Variants in LTBP2 observed in about 807,000 individuals in gnomAD.
LTBP2 encodes the protein latent-transforming growth factor beta-binding protein 2.
LTBP2 carries 103 observed loss-of-function variants against 210.6 expected under a neutral mutation model. The ratio of observed to expected loss-of-function variants is 0.49; its 90% CI spans 0.42 to 0.58. The LOEUF (loss-of-function observed/expected upper bound fraction) is 0.58. Among genes scored for constraint, LTBP2 ranks in the 20% least tolerant of loss-of-function variants. The pLI is 0.00. For synonymous variants in LTBP2, 1,007 were observed against 1,015.0 expected, an observed-to-expected ratio of 0.99 and a Z score of 0.15; for missense variants, 2,313 against 2,494.5, an observed-to-expected ratio of 0.93 and a Z score of 1.55.
intron 6 of LTBP2, 35 bp downstream of exon 6, chr14:74,552,152 C>A: frequency 6.4e-7 from 1 of 1,554,680 alleles, no homozygotes; most frequent in Middle Eastern, 2.1e-4. Flanking sequence ...GCACTCCTCC[C>A]AGGGTCCCGC....
chr14:74,518,276 G>A (rs529377348), intron 17 of LTBP2, among the ~76,000 whole-genome samples: 2 of 152,324 alleles, frequency 1.3e-5, no homozygotes, highest in African/African-American at 4.8e-5. Context: ...GGTAAGCACT[G>A]CAGAAATGTT....
At chr14:74,520,487 T>C (rs886780069) in intron 17 of LTBP2, among the ~76,000 whole-genome samples, 1 of 152,234 alleles carries the variant, frequency 6.6e-6, no homozygotes, top group Admixed American at 6.5e-5. Context: ...ATTGCCAGCA[T>C]ATATTAAGTG....
At chr14:74,603,422 C>T (rs1013204237) in intron 2 of LTBP2, among the ~76,000 whole-genome samples, 7 of 152,228 alleles carry the variant, frequency 4.6e-5, no homozygotes, top group Non-Finnish European at 7.4e-5. Flanking sequence ...CCACCGCTCC[C>T]GGCCCCAGCT....
In LTBP2 at chr14:74,549,888, C is replaced by G; in HGVS notation, c.1764G>C (p.Leu588Phe). 6.2e-7 allele frequency: 1 copy of G among 1,614,106 alleles called. No homozygotes were observed. Among genetic ancestry groups the G allele is most frequent in the African/African-American group, 1.3e-5 (1 of 75,034 alleles). Reference sequence around the variant, plus strand: ...CTGGTCTGGGTGGGCATGGGGCACACAAAGTCACCCCCCAGAAGGCTCCCA... The same window carrying G: ...CTGGTCTGGGTGGGCATGGGGCACAGAAAGTCACCCCCCAGAAGGCTCCCA... ...GSVGAFWGVT[L>F]CAPCPPRPAS... Residue 588 changes from leucine to phenylalanine, a missense_variant, in exon 8 of 36, where the codon TTG (leucine) becomes TTC (phenylalanine). Around this residue, in one of 3 missense-constraint regions of LTBP2, gnomAD observed 1,867 missense variants for 1,976.9 expected, o/e 0.94. Coordinates refer to ENST00000261978, the MANE Select transcript of LTBP2 (RefSeq NM_000428.3).
chr14:74,526,126 CAGG>C lies in LTBP2; in HGVS notation c.2389-15_2389-13del, dbSNP rs1566623883. ...ACACTGGTCGTGACCTGCACAGAAA[CAGG>C]AGAAGGTCACTTTTGGCTCCTCTGC... On this transcript the variant is annotated splice_polypyrimidine_tract_variant and intron_variant, in intron 13 of 35. Coordinates refer to ENST00000261978, the MANE Select transcript of LTBP2 (RefSeq NM_000428.3). The C allele has an allele frequency of 6.3e-7, 1 of 1,596,484 alleles. No homozygotes were observed. Among genetic ancestry groups the C allele is most frequent in the African/African-American group, 1.3e-5 (1 of 74,734 alleles).
intron 9 of LTBP2, among the ~76,000 whole-genome samples, chr14:74,533,678 C>T (rs538531323): frequency 1.0e-3 from 155 of 152,302 alleles, no homozygotes; most frequent in African/African-American, 3.5e-3. Context: ...GCAGGCTGCA[C>T]GCATCCCCCC....
chr14:74,585,777 A>G, intron 3 of LTBP2, 77 bp downstream of exon 3: 1 of 1,608,324 alleles, frequency 6.2e-7, no homozygotes, highest in Admixed American at 1.7e-5. Context: ...AGCCTTCACC[A>G]AACGGTCCAA....
At chr14:74,509,408 C>T in intron 21 of LTBP2, 45 bp from the exon 22 acceptor site, 2 of 1,611,884 alleles carry the variant, frequency 1.2e-6, no homozygotes, top group African/African-American at 1.3e-5. Flanking sequence ...AGGGCTCCCA[C>T]TCCCCAGGCA....
chr14:74,502,941 G>C lies in LTBP2; in HGVS notation c.4889-7C>G, dbSNP rs202000320. 2.4e-5 allele frequency: 38 copies of C among 1,610,406 alleles called. No homozygotes were observed. The highest frequency in any genetic ancestry group is 3.1e-5 in the Non-Finnish European group (37 of 1,179,910). ...CACAGCTGAGCATAGACCTCTGTCA[G>C]GGAGGAGGGAGAGAAGGAGCTGGGT... is the stretch of plus-strand genomic sequence containing the variant. On this transcript the variant is annotated splice_region_variant and splice_polypyrimidine_tract_variant and intron_variant, in intron 33 of 35. Coordinates refer to ENST00000261978, the MANE Select transcript of LTBP2 (RefSeq NM_000428.3).
chr14:74,551,615 G>A (rs2087657463), intron 6 of LTBP2, among the ~76,000 whole-genome samples: 1 of 151,978 alleles, frequency 6.6e-6, no homozygotes, highest in Non-Finnish European at 1.5e-5. Context: ...CATGACCCTG[G>A]CCAACCCTGG....
intron 33 of LTBP2, 138 bp from the exon 34 acceptor site, chr14:74,503,072 T>C: frequency 6.8e-7 from 1 of 1,471,612 alleles, no homozygotes; most frequent in South Asian, 1.2e-5. Context: ...ACCTCTCCCC[T>C]GCCCTACTTT....
chr14:74,510,396 C>T (rs182064494), intron 19 of LTBP2, among the ~76,000 whole-genome samples, 183 bp from the exon 20 acceptor site: 1 of 152,348 alleles, frequency 6.6e-6, no homozygotes, highest in Non-Finnish European at 1.5e-5. Flanking sequence ...GGCGTCCCAT[C>T]CCCCGGGCTC....
intron 6 of LTBP2, 126 bp from the exon 7 acceptor site, chr14:74,551,476 C>G: frequency 1.1e-6 from 1 of 928,032 alleles, no homozygotes; most frequent in Non-Finnish European, 1.6e-6. Flanking sequence ...CAAAACTCTC[C>G]TTCCATTTCT....
intron 15 of LTBP2, among the ~76,000 whole-genome samples, chr14:74,523,293 G>C (rs1182658532): frequency 1.3e-5 from 2 of 152,122 alleles, no homozygotes; most frequent in Non-Finnish European, 2.9e-5. Flanking sequence ...GTTTTCCCTG[G>C]ACAGACAGAC....
intron 3 of LTBP2, among the ~76,000 whole-genome samples, chr14:74,579,071 C>T (rs530724255): frequency 2.2e-4 from 33 of 152,216 alleles, no homozygotes; most frequent in Admixed American, 1.6e-3. Context: ...TGGCCAGGCT[C>T]GTCTCGAACT....
intron 10 of LTBP2, among the ~76,000 whole-genome samples, chr14:74,529,609 T>C (rs1421762241): frequency 6.6e-6 from 1 of 152,132 alleles, no homozygotes; most frequent in Non-Finnish European, 1.5e-5. Context: ...TAGTGCCTGG[T>C]GCATGCAAAT....
chr14:74,502,491 T>C (rs1384777313), intron 34 of LTBP2, 162 bp downstream of exon 34: 7 of 882,876 alleles, frequency 7.9e-6, no homozygotes, highest in Non-Finnish European at 1.3e-5. Flanking sequence ...GACCTGGGCG[T>C]ATGTACTTGT....
intron 17 of LTBP2, among the ~76,000 whole-genome samples, chr14:74,519,700 T>A (rs862041): frequency 6.6e-6 from 1 of 151,840 alleles, no homozygotes; most frequent in Non-Finnish European, 1.5e-5. Context: ...TTGAACCCCA[T>A]CCCCGTTCCC....
chr14:74,528,835 GT>G, intron 11 of LTBP2, 122 bp downstream of exon 11: 1 of 1,516,074 alleles, frequency 6.6e-7, no homozygotes, highest in Non-Finnish European at 9.0e-7. Flanking sequence ...GGATAAGCAC[GT>G]GAGCAGGCAG....
Sources: gnomAD v4.1 joint callset for allele counts (sites outside exome capture counted in the v4.1 genomes callset) on GRCh38, gnomAD v4.1.1 for gene constraint, gnomAD v4.1.1 regional missense constraint, MANE v1.5 for transcripts, NCBI Gene and HGNC (gene_info 2026-07-23, HGNC 2026-07-21) for gene names.